The following NECAB2 variants were observed in gnomAD, a reference collection of about 807,000 sequenced individuals.
The protein encoded by NECAB2 is N-terminal EF-hand calcium-binding protein 2.
A neutral mutation model predicts 51.9 loss-of-function variants in NECAB2; 68 were observed. The observed-to-expected ratio is 1.31, with a 90% CI of 1.08 to 1.60. NECAB2 has a LOEUF of 1.60. Ranked by LOEUF, NECAB2 falls within the 40% of genes most tolerant of loss-of-function variation. NECAB2 has a pLI of 0.00. For missense variants in NECAB2, 854 were observed against 490.3 expected, an observed-to-expected ratio of 1.74 and a Z score of -7.00; for synonymous variants, 329 against 203.5, an observed-to-expected ratio of 1.62 and a Z score of -5.25.
intron 8 of NECAB2, among the ~76,000 whole-genome samples, chr16:83,996,586 G>T (rs1441054208): frequency 1.3e-5 from 2 of 148,814 alleles, no homozygotes; most frequent in Non-Finnish European, 3.0e-5. Context: ...AGCAGCATGA[G>T]CCTGTGCGTC....
At chr16:83,998,180 CACTG>C (rs2084746499) in intron 9 of NECAB2, 21 bp from the exon 10 acceptor site, 2 of 1,600,078 alleles carry the variant, frequency 1.2e-6, no homozygotes, top group Non-Finnish European at 1.7e-6. Flanking sequence ...TGGAGCCCCA[CACTG>C]ACTCCTGCTG....
intron 1 of NECAB2, among the ~76,000 whole-genome samples, chr16:83,969,339 T>A (rs1235331400): frequency 6.6e-6 from 1 of 151,738 alleles, no homozygotes; most frequent in Non-Finnish European, 1.5e-5. Flanking sequence ...CATCTCACGC[T>A]CAAAGACCCT....
chr16:83,996,196 C>T (rs900924831), intron 8 of NECAB2, among the ~76,000 whole-genome samples: 2 of 152,218 alleles, frequency 1.3e-5, no homozygotes, highest in African/African-American at 4.8e-5. Context: ...TGCCTCTCCT[C>T]ATCCTCCTAT....
intron 2 of NECAB2, among the ~76,000 whole-genome samples, chr16:83,975,345 G>A (rs929318047): frequency 2.0e-5 from 3 of 151,592 alleles, no homozygotes; most frequent in Non-Finnish European, 2.9e-5. Context: ...GATGGGAACA[G>A]GTGTGCAGGG....
At chr16:83,983,586 A>G (rs531249654) in intron 5 of NECAB2, among the ~76,000 whole-genome samples, 23 of 152,284 alleles carry the variant, frequency 1.5e-4, no homozygotes, top group Admixed American at 1.2e-3. Flanking sequence ...TTAAATGATC[A>G]TATGATTTTT....
intron 10 of NECAB2, 68 bp from the exon 11 acceptor site, chr16:84,000,656 A>AGGGGAACAGCACT: frequency 7.0e-7 from 1 of 1,428,816 alleles, no homozygotes; most frequent in Non-Finnish European, 9.8e-7. Flanking sequence ...AGGCCACCCC[A>AGGGGAACAGCACT]GGGGAACAGC....
chr16:83,969,458 C>T (rs1453948795), intron 1 of NECAB2, among the ~76,000 whole-genome samples: 2 of 152,050 alleles, frequency 1.3e-5, no homozygotes, highest in Admixed American at 6.6e-5. Context: ...GAGCTGGTAC[C>T]CCTCTGGTCT....
At chr16:83,996,565 C>G (rs9922880) in intron 8 of NECAB2, among the ~76,000 whole-genome samples, 1 of 152,036 alleles carries the variant, frequency 6.6e-6, no homozygotes, top group African/African-American at 2.4e-5. Flanking sequence ...GGTGCCCAAG[C>G]TGAAGGAAGC....
At chr16:83,973,633 C>T (rs571075793) in intron 2 of NECAB2, among the ~76,000 whole-genome samples, 1 of 152,194 alleles carries the variant, frequency 6.6e-6, no homozygotes, top group African/African-American at 2.4e-5. Context: ...GTCGCCGGAG[C>T]CCTCAGCGTC....
chr16:83,988,108 G>T (rs747322176), intron 5 of NECAB2, among the ~76,000 whole-genome samples: 1 of 152,166 alleles, frequency 6.6e-6, no homozygotes, highest in Non-Finnish European at 1.5e-5. Flanking sequence ...AGTCCTTTGT[G>T]CTGCTTTGGT....
intron 1 of NECAB2, among the ~76,000 whole-genome samples, chr16:83,969,937 G>C (rs541934291): frequency 1.3e-5 from 2 of 152,282 alleles, no homozygotes; most frequent in African/African-American, 4.8e-5. Context: ...TCTGGGCTGG[G>C]AGGGCCGGCC....
intron 8 of NECAB2, among the ~76,000 whole-genome samples, chr16:83,996,392 TCAAA>T (rs773761291): frequency 3.3e-5 from 5 of 152,132 alleles, no homozygotes; most frequent in South Asian, 2.1e-4. Flanking sequence ...GGTCCCTTGC[TCAAA>T]CATTTAGAAC....
chr16:83,981,130 C>A lies in NECAB2; in HGVS notation c.459+3C>A. 3 of 1,611,308 alleles carry A rather than the reference C, an allele frequency of 1.9e-6. No individual in the cohort carries two copies. The highest frequency in any genetic ancestry group is 1.1e-5 in the South Asian group (1 of 91,044). ...AGGCCATGGGTTATACCAAGAAGGT[C>A]AGTGGGTGTAGGTGGCCCCCGGGGT... On this transcript the variant is annotated splice_donor_region_variant and intron_variant, in intron 5 of 12. Coordinates refer to ENST00000305202, the MANE Select transcript of NECAB2 (RefSeq NM_019065.3).
upstream of NECAB2, among the ~76,000 whole-genome samples, chr16:83,966,658 C>T (rs916166800): frequency 2.6e-5 from 4 of 152,204 alleles, no homozygotes; most frequent in Non-Finnish European, 4.4e-5. Context: ...TCCTTTCAGT[C>T]CCTCCTGCTG....
intron 3 of NECAB2, among the ~76,000 whole-genome samples, chr16:83,978,895 C>T (rs56376922): frequency 6.6e-6 from 1 of 152,130 alleles, no homozygotes; most frequent in Admixed American, 6.5e-5. Context: ...CACCCCAACC[C>T]CAATGCCTGT....
At chr16:83,993,812 C>G (rs1391636070) in intron 6 of NECAB2, among the ~76,000 whole-genome samples, 1 of 152,110 alleles carries the variant, frequency 6.6e-6, no homozygotes, top group Non-Finnish European at 1.5e-5. Flanking sequence ...TGTTACATCC[C>G]GACTGTCAGT....
chr16:83,997,392 T>C (rs2084723942), intron 9 of NECAB2, 123 bp downstream of exon 9: 1 of 1,282,402 alleles, frequency 7.8e-7, no homozygotes, highest in Non-Finnish European at 1.1e-6. Context: ...GGAGGGGAGA[T>C]GTCGCCCAGC....
At chr16:83,982,299 T>A (rs2084498665) in intron 5 of NECAB2, among the ~76,000 whole-genome samples, 1 of 152,246 alleles carries the variant, frequency 6.6e-6, no homozygotes, top group Admixed American at 6.5e-5. Flanking sequence ...ATTCCACATT[T>A]CCATTTCTGT....
chr16:83,983,418 G>A (rs185134190), intron 5 of NECAB2, among the ~76,000 whole-genome samples: 14 of 152,214 alleles, frequency 9.2e-5, no homozygotes, highest in African/African-American at 2.6e-4. Context: ...CCTGATTTTC[G>A]AGTGCATCTC....
Sources: allele counts gnomAD v4.1 joint callset (sites outside exome capture counted in the v4.1 genomes callset), GRCh38; gene constraint gnomAD v4.1.1; transcripts MANE v1.5; gene names NCBI Gene and HGNC (gene_info 2026-07-23, HGNC 2026-07-21).